Variants in TCF7 observed in about 807,000 individuals in gnomAD.
The protein encoded by TCF7 is T-cell-factor-7.
Under a neutral mutation model 46.8 loss-of-function variants are expected in TCF7, and 19 were observed. The observed-to-expected ratio is 0.41, with a 90% CI of 0.28 to 0.60. The LOEUF (loss-of-function observed/expected upper bound fraction) is 0.60. Ranked by LOEUF, TCF7 falls within the 20% of genes least tolerant of loss-of-function variation. TCF7 has a pLI of 0.35. For synonymous variants in TCF7, 245 were observed against 213.4 expected, an observed-to-expected ratio of 1.15 and a Z score of -1.29; for missense variants, 547 against 504.6, an observed-to-expected ratio of 1.08 and a Z score of -0.81.
chr5:134,146,920 C>T lies in TCF7; in HGVS notation c.*617C>T, dbSNP rs1159077028. The stretch of plus-strand genomic sequence containing the variant: ...CTGCCACACCCTCCCCATTCAGACA[C>T]TTCATGGACCAAGAATGAGCTGGTT... On this transcript the variant is annotated 3_prime_UTR_variant, in exon 10 of 10. Transcript: ENST00000342854. 1 of 228,604 alleles carries T rather than the reference C, an allele frequency of 4.4e-6. No individual in the cohort carries two copies. Among genetic ancestry groups the T allele is most frequent in the South Asian group, 6.7e-5 (1 of 15,026 alleles). 14.2% of individuals were successfully genotyped at this position (228,604 alleles called of 1,614,324 possible). A position where few individuals can be genotyped will look rare whatever the true frequency, so the allele number is the denominator to read the frequency against.
intron 5 of TCF7, chr5:134,140,577 G>A (rs770689636): frequency 1.5e-4 from 52 of 340,720 alleles, no homozygotes; most frequent in Non-Finnish European, 2.8e-4. Flanking sequence ...CTGCTAAGCT[G>A]GGTCCCAGGA....
rs551932005 is a variant in TCF7 at position 134,115,717 on chromosome 5, C to T, written c.317-192C>T. 5.3e-5 allele frequency: 76 copies of T among 1,433,768 alleles called. 1 individual carries two copies. The East Asian group carries it at 1.8e-3, about 34-fold the overall frequency. The allele number at this position is 1,433,768 out of a possible 1,614,324, so 88.8% of individuals were successfully genotyped here. A position where few individuals can be genotyped will look rare whatever the true frequency, so the allele number is the denominator to read the frequency against. On this transcript the variant is annotated intron_variant, in intron 2 of 9. Transcript: ENST00000342854. ...CGGGGGGTGGGAGGTCAAGTAGGGG[C>T]CACCTCGGGGAGGCCTGCCCTCCAG...
Position 134,143,625 on chromosome 5 carries a change from C to T in TCF7, c.1060C>T (p.Gln354Ter), listed in dbSNP as rs149469800. The change falls in exon 9 of 10, where the codon CAA (glutamine) becomes TAA (stop). Residue 354 changes from glutamine (Q) to a stop codon, truncating the protein, a stop_gained. Coordinates refer to ENST00000342854, the MANE Select transcript of TCF7 (RefSeq NM_003202.5). LOFTEE classifies it high-confidence loss of function. ...GAAGAGGCGGTCGAGGGAAAAGCAC[C>T]AAGAATCCACCACAGGTGAGACCTT... ...KKKRRSREKHQESTTGGKRNA... is the reference protein window; with the variant it reads ...KKKRRSREKH 1.9e-6 allele frequency: 3 copies of T among 1,613,928 alleles called. No homozygotes were observed. In the African/African-American group the frequency reaches 4.0e-5, roughly 22 times the overall value.
intron 3 of TCF7, among the ~76,000 whole-genome samples, chr5:134,134,094 A>T (rs1433815218): frequency 6.6e-6 from 1 of 152,320 alleles, no homozygotes; most frequent in Middle Eastern, 3.4e-3. Flanking sequence ...TCCTGTGGGT[A>T]GCTTCTCAGT....
intron 3 of TCF7, among the ~76,000 whole-genome samples, chr5:134,130,789 A>T (rs1758010316): frequency 6.6e-6 from 1 of 152,254 alleles, no homozygotes; most frequent in South Asian, 2.1e-4. Flanking sequence ...TATTTAGTGC[A>T]GTCACATTTT....
intron 3 of TCF7, among the ~76,000 whole-genome samples, chr5:134,122,767 A>G (rs1240305596): frequency 6.6e-6 from 1 of 152,174 alleles, no homozygotes; most frequent in Non-Finnish European, 1.5e-5. Context: ...GCTGTGTACA[A>G]ACAAGGCTCT....
chr5:134,141,825 G>A (rs1759819895), intron 5 of TCF7: 1 of 183,098 alleles, frequency 5.5e-6, no homozygotes, highest in South Asian at 1.6e-4. Context: ...GCTATTGTGT[G>A]GAGAGAGGCC....
chr5:134,108,826 C>A, the TCF7 span, among the ~76,000 whole-genome samples: 1 of 152,142 alleles, frequency 6.6e-6, no homozygotes, highest in Non-Finnish European at 1.5e-5. Flanking sequence ...CCCAGGGACC[C>A]TATGGGGTCA....
At chr5:134,139,191 T>C in intron 5 of TCF7, 153 bp downstream of exon 5, 4 of 1,248,692 alleles carry the variant, frequency 3.2e-6, no homozygotes, top group Non-Finnish European at 4.3e-6. Context: ...TGTCCTAACC[T>C]GGCTCTGAGC....
chr5:134,132,515 C>A lies in TCF7; in HGVS notation c.442-5544C>A, dbSNP rs567451069. 6.6e-5 allele frequency among the ~76,000 whole-genome samples: 10 copies of A among 152,352 alleles called. No homozygotes were observed. In the South Asian group the frequency reaches 1.0e-3, roughly 16 times the overall value. ...CAGGCCTCACCTATCCCCTACCCCC[C>A]ACAGGCTTGAGGCCAGAGGAAACAG... On this transcript the variant is annotated intron_variant, in intron 3 of 9. Transcript: ENST00000342854.
At chr5:134,142,689 G>T (rs1327552899) in intron 6 of TCF7, 32 bp from the exon 7 acceptor site, 3 of 1,610,582 alleles carry the variant, frequency 1.9e-6, no homozygotes, top group Admixed American at 1.7e-5. Context: ...CACTCGGGGG[G>T]CTCCTGAACA....
At chr5:134,111,705 T>C (rs553986786), upstream of TCF7, among the ~76,000 whole-genome samples, 14 of 152,226 alleles carry the variant, frequency 9.2e-5, no homozygotes, top group African/African-American at 3.4e-4. Context: ...GGCTCCATAT[T>C]AGTGACAGCT....
At chr5:134,135,073 C>T (rs1283969082) in intron 3 of TCF7, among the ~76,000 whole-genome samples, 1 of 152,228 alleles carries the variant, frequency 6.6e-6, no homozygotes, top group Non-Finnish European at 1.5e-5. Context: ...CCTCCCTCAA[C>T]CTTCTGAGTA....
chr5:134,142,668 A>G (rs152401), intron 6 of TCF7, 53 bp from the exon 7 acceptor site: 1 of 1,599,256 alleles, frequency 6.3e-7, no homozygotes, highest in East Asian at 2.2e-5. Flanking sequence ...AGGAGGCTGC[A>G]ATTAGGTGGG....
Position 134,129,114 on chromosome 5 carries a change from C to G in TCF7, c.442-8945C>G, listed in dbSNP as rs143679499. On this transcript the variant is annotated intron_variant, in intron 3 of 9. Coordinates refer to ENST00000342854, the MANE Select transcript of TCF7 (RefSeq NM_003202.5). The stretch of plus-strand genomic sequence containing the variant: ...TCACTGCTTGCTGTGAGACCTCGGG[C>G]AAGATTCTTAGCTTCTCTGTGCTTC... 2.0e-3 allele frequency among the ~76,000 whole-genome samples: 311 copies of G among 152,322 alleles called. 13 individuals are homozygous for G. The East Asian group carries it at 0.05, about 25-fold the overall frequency.
At position 134,114,975 on chromosome 5, in the gene TCF7, G is replaced by A. The variant is rs1467447854; in HGVS notation, c.69G>A (p.Leu23=). ...GGDDLGAPDE[L]LAFQDEGEEQ... is the part of the protein sequence containing the mutation. Reference sequence around the variant, plus strand: ...ACGACCTCGGCGCGCCGGACGAGCTGCTGGCCTTCCAGGATGAAGGCGAGG... The same window carrying A: ...ACGACCTCGGCGCGCCGGACGAGCTACTGGCCTTCCAGGATGAAGGCGAGG... The change falls in exon 1 of 10, where the codon CTG becomes CTA. Residue 23 remains leucine, a synonymous_variant. Transcript: ENST00000342854. 41 of 1,203,374 alleles carry A rather than the reference G, an allele frequency of 3.4e-5. No homozygotes were observed. The highest frequency in any genetic ancestry group is 4.1e-5 in the Non-Finnish European group (39 of 944,908). The allele number at this position is 1,203,374 out of a possible 1,614,324, so 74.5% of individuals were successfully genotyped here. A position where few individuals can be genotyped will look rare whatever the true frequency, so the allele number is the denominator to read the frequency against.
intron 2 of TCF7, 143 bp from the exon 3 acceptor site, chr5:134,115,766 T>C: frequency 1.4e-6 from 2 of 1,477,192 alleles, no homozygotes; most frequent in Non-Finnish European, 1.8e-6. Context: ...AACTTGGCAC[T>C]GCCGATACTC....
intron 3 of TCF7, among the ~76,000 whole-genome samples, chr5:134,117,724 G>T (rs1448415341): frequency 6.6e-6 from 1 of 152,216 alleles, no homozygotes; most frequent in East Asian, 1.9e-4. Flanking sequence ...ACCACCACTG[G>T]CCTGGGTCAT....
rs745452163 is a variant in TCF7 at position 134,142,170 on chromosome 5, T to G, written c.636-15T>G. 5.0e-6 allele frequency: 8 copies of G among 1,614,026 alleles called. No individual in the cohort carries two copies. In the Admixed American group the frequency reaches 1.3e-4, roughly 27 times the overall value. Reference sequence around the variant, plus strand: ...ATAATTCTTGGCTCAGTGTTAACTTTCTTCCTGCCTCCAGGTTCACCCACC... The same window carrying G: ...ATAATTCTTGGCTCAGTGTTAACTTGCTTCCTGCCTCCAGGTTCACCCACC... On this transcript the variant is annotated splice_polypyrimidine_tract_variant and intron_variant, in intron 5 of 9. Transcript: ENST00000342854.
Sources: gnomAD v4.1 joint callset for allele counts (sites outside exome capture counted in the v4.1 genomes callset) on GRCh38, gnomAD v4.1.1 for gene constraint, MANE v1.5 for transcripts, NCBI Gene and HGNC (gene_info 2026-07-23, HGNC 2026-07-21) for gene names.